THSD7B: variants seen among roughly 807,000 people sequenced by gnomAD.
THSD7B encodes thrombospondin type 1 domain containing 7B, also known as thrombospondin type-1 domain-containing protein 7B.
A neutral mutation model predicts 213.6 loss-of-function variants in THSD7B; 138 were observed. The ratio of observed to expected loss-of-function variants is 0.65; its 90% CI spans 0.56 to 0.74. The LOEUF (loss-of-function observed/expected upper bound fraction) is 0.74. Ranked by LOEUF, THSD7B falls within the 30% of genes least tolerant of loss-of-function variation. The probability of loss-of-function intolerance (pLI) is 0.00; values close to 1 mark genes in which losing one functional copy is unlikely to be tolerated. For missense variants in THSD7B, 1,931 were observed against 1,991.5 expected (o/e 0.97, Z 0.58); for synonymous variants, 742 against 687.0 (o/e 1.08, Z -1.25).
chr2:136,893,301 T>C (rs939501845), intron 2 of THSD7B, among the ~76,000 whole-genome samples: 4 of 152,226 alleles, frequency 2.6e-5, no homozygotes, highest in African/African-American at 9.6e-5. Flanking sequence ...GATTGGGAGT[T>C]GAATTGAGAT....
intron 12 of THSD7B, among the ~76,000 whole-genome samples, chr2:137,315,373 C>A (rs553495272): frequency 1.3e-5 from 2 of 152,266 alleles, no homozygotes; most frequent in South Asian, 4.1e-4. Flanking sequence ...GGCTCATGCA[C>A]AGTGCGCGCA....
rs979453657 is a variant in THSD7B, at chr2:137,006,394, C to G, written c.140-50026C>G. 6.2e-5 allele frequency among the ~76,000 whole-genome samples: 9 copies of G among 145,778 alleles called. No individual in the cohort carries two copies. The East Asian group carries it at 1.9e-3, about 31-fold the overall frequency. ...TGGGTGACAGAGTGAGACTCCGTCTCAAGAAATACATACATACATACATAC... is the reference window on the plus strand; with the variant it reads ...TGGGTGACAGAGTGAGACTCCGTCTGAAGAAATACATACATACATACATAC... On this transcript the variant is annotated intron_variant, in intron 2 of 27. Coordinates refer to ENST00000409968, the MANE Select transcript of THSD7B (RefSeq NM_001316349.2).
intron 2 of THSD7B, among the ~76,000 whole-genome samples, chr2:137,017,125 AT>A (rs1365494639): frequency 1.3e-5 from 2 of 152,006 alleles, no homozygotes; most frequent in African/African-American, 2.4e-5. Context: ...GTTGCAAACT[AT>A]TTTTTTATTT....
intron 1 of THSD7B, among the ~76,000 whole-genome samples, chr2:136,844,488 G>GAGAGAGAGAGAGAGAC (rs1174171820): frequency 1.3e-5 from 2 of 149,466 alleles, no homozygotes; most frequent in East Asian, 1.9e-4. Flanking sequence ...GAGAGAGAGA[G>GAGAGAGAGAGAGAGAC]AGAGAGACAG....
chr2:137,246,931 C>T (rs547160746), intron 10 of THSD7B, among the ~76,000 whole-genome samples: 1 of 152,272 alleles, frequency 6.6e-6, no homozygotes, highest in South Asian at 2.1e-4. Flanking sequence ...TCATCCCAGC[C>T]CGCCCAGTCA....
intron 5 of THSD7B, among the ~76,000 whole-genome samples, chr2:137,149,437 T>G (rs1173856392): frequency 6.6e-6 from 1 of 152,190 alleles, no homozygotes; most frequent in Non-Finnish European, 1.5e-5. Flanking sequence ...CCCAGAATGA[T>G]AGGTCCACCA....
At chr2:137,107,207 A>G (rs1688271239) in intron 4 of THSD7B, among the ~76,000 whole-genome samples, 2 of 152,234 alleles carry the variant, frequency 1.3e-5, no homozygotes, top group African/African-American at 4.8e-5. Flanking sequence ...CTATGCAGCC[A>G]TAAAAAAGGA....
intron 2 of THSD7B, among the ~76,000 whole-genome samples, chr2:136,886,643 G>T (rs1186183590): frequency 6.6e-6 from 1 of 152,052 alleles, no homozygotes; most frequent in Admixed American, 6.6e-5. Flanking sequence ...GAATTATCAG[G>T]CCCAAAGAAT....
intron 2 of THSD7B, among the ~76,000 whole-genome samples, chr2:136,890,363 T>C (rs372137137): frequency 0.13 from 608 of 4,734 alleles, 10 homozygotes; most frequent in Middle Eastern, 0.5. Context: ...TTCTTCTTCT[T>C]CTTCTTCTTC....
chr2:137,315,851 T>C (rs534932019), intron 12 of THSD7B, among the ~76,000 whole-genome samples: 2 of 152,342 alleles, frequency 1.3e-5, no homozygotes, highest in Non-Finnish European at 2.9e-5. Flanking sequence ...TGTGCCATTT[T>C]ACTGATTCAT....
chr2:136,998,961 C>T (rs1484856233), intron 2 of THSD7B, among the ~76,000 whole-genome samples: 1 of 149,982 alleles, frequency 6.7e-6, no homozygotes, highest in Admixed American at 6.7e-5. Flanking sequence ...CACACACACC[C>T]CTGCTTTCTT....
At chr2:137,127,823 C>A (rs1688656293) in intron 5 of THSD7B, among the ~76,000 whole-genome samples, 1 of 152,014 alleles carries the variant, frequency 6.6e-6, no homozygotes, top group Non-Finnish European at 1.5e-5. Context: ...GAGGCTGAGG[C>A]AGGAGAATTG....
At chr2:136,998,960 C>A (rs912122814) in intron 2 of THSD7B, among the ~76,000 whole-genome samples, 46 of 114,292 alleles carry the variant, frequency 4.0e-4, no homozygotes, top group Admixed American at 2.5e-3. Context: ...ACACACACAC[C>A]CCTGCTTTCT....
intron 5 of THSD7B, among the ~76,000 whole-genome samples, chr2:137,137,032 T>C (rs1163153632): frequency 2.0e-5 from 3 of 152,206 alleles, no homozygotes; most frequent in African/African-American, 7.2e-5. Context: ...TTCTTTACAA[T>C]TTCAGGTATC....
intron 15 of THSD7B, among the ~76,000 whole-genome samples, chr2:137,451,677 T>C (rs993083180): frequency 6.6e-6 from 1 of 152,086 alleles, no homozygotes; most frequent in African/African-American, 2.4e-5. Context: ...CAGTTGCCTT[T>C]GTATATATAA....
intron 15 of THSD7B, among the ~76,000 whole-genome samples, chr2:137,560,352 C>T (rs1573709146): frequency 6.6e-6 from 1 of 152,080 alleles, no homozygotes; most frequent in Admixed American, 6.6e-5. Context: ...AAAAATGTGG[C>T]ACATATACAC....
At chr2:137,427,838 C>T (rs1314940379) in intron 14 of THSD7B, among the ~76,000 whole-genome samples, 1 of 152,060 alleles carries the variant, frequency 6.6e-6, no homozygotes. Context: ...TAAGGATTCT[C>T]ACCACACACA....
At chr2:137,198,104 A>G (rs746120318) in intron 7 of THSD7B, among the ~76,000 whole-genome samples, 10 of 152,142 alleles carry the variant, frequency 6.6e-5, no homozygotes, top group Non-Finnish European at 1.5e-4. Context: ...TTTTCATTAC[A>G]TCTTTACCAA....
intron 12 of THSD7B, among the ~76,000 whole-genome samples, chr2:137,342,091 C>A (rs928488136): frequency 6.6e-6 from 1 of 151,424 alleles, no homozygotes; most frequent in Non-Finnish European, 1.5e-5. Context: ...TGGTAGATTA[C>A]TTTGGGTAGT....
Sources: allele counts gnomAD v4.1 joint callset (sites outside exome capture counted in the v4.1 genomes callset), GRCh38; gene constraint gnomAD v4.1.1; transcripts MANE v1.5; gene names NCBI Gene and HGNC (gene_info 2026-07-23, HGNC 2026-07-21).